Variants in PRDM16 observed in about 807,000 individuals in gnomAD.
PRDM16 encodes histone-lysine N-methyltransferase PRDM16.
In PRDM16, 23 loss-of-function variants were observed where a neutral mutation model predicts 110.6. The observed-to-expected ratio is 0.21, with a 90% CI of 0.15 to 0.29. The LOEUF is 0.29. Among genes scored for constraint, PRDM16 ranks in the 10% least tolerant of loss-of-function variants. The pLI, the probability that PRDM16 is intolerant of heterozygous loss-of-function variation, is 1.00. For synonymous variants in PRDM16, 799 were observed against 781.8 expected (o/e 1.02, Z -0.37); for missense variants, 1,615 against 1,794.3 (o/e 0.90, Z 1.81).
chr1:3,333,420 C>T (rs1642082522), intron 3 of PRDM16, among the ~76,000 whole-genome samples: 1 of 152,192 alleles, frequency 6.6e-6, no homozygotes, highest in Admixed American at 6.5e-5. Context: ...AATCTTGGGG[C>T]TGCATCTGAC....
At chr1:3,398,606 T>C (rs1385443242) in intron 5 of PRDM16, among the ~76,000 whole-genome samples, 1 of 152,250 alleles carries the variant, frequency 6.6e-6, no homozygotes, top group African/African-American at 2.4e-5. Context: ...AGACGCCACT[T>C]AATTGTGAAC....
At chr1:3,247,929 C>T (rs1639829525) in intron 3 of PRDM16, among the ~76,000 whole-genome samples, 1 of 152,234 alleles carries the variant, frequency 6.6e-6, no homozygotes, top group South Asian at 2.1e-4. Context: ...CCGGGGGCTC[C>T]TGGAGAGCAA....
chr1:3,407,284 TA>T (rs1418295184), intron 8 of PRDM16, among the ~76,000 whole-genome samples: 2 of 152,132 alleles, frequency 1.3e-5, no homozygotes, highest in African/African-American at 2.4e-5. Context: ...GCCGTCCTGC[TA>T]GGGGTGACTC....
intron 1 of PRDM16, among the ~76,000 whole-genome samples, chr1:3,089,308 C>A (rs1222644039): frequency 6.6e-6 from 1 of 152,354 alleles, no homozygotes; most frequent in East Asian, 1.9e-4. Context: ...GGCTGAGCCT[C>A]GTTTCTAAGA....
chr1:3,218,775 G>A (rs1006976550), intron 2 of PRDM16, among the ~76,000 whole-genome samples: 2 of 152,218 alleles, frequency 1.3e-5, no homozygotes, highest in African/African-American at 4.8e-5. Context: ...CTGGAGGCCA[G>A]GCCTCAGGAC....
In PRDM16 at chr1:3,213,773, A is replaced by C. The variant is rs1638956221; in HGVS notation, c.387+27299A>C. On this transcript the variant is annotated intron_variant, in intron 2 of 16. Transcript: ENST00000270722. The surrounding 1 kb of genome is among the most constrained non-coding windows in gnomAD (Gnocchi z 5.3). ...CGGGACACCACGTCCACCCCAGGTCACCTACAAACAAGGTCAGCCAGGGCC... is the reference window on the plus strand; with the variant it reads ...CGGGACACCACGTCCACCCCAGGTCCCCTACAAACAAGGTCAGCCAGGGCC... 6.6e-6 allele frequency among the ~76,000 whole-genome samples: 1 copy of C among 152,016 alleles called. No homozygotes were observed. Among genetic ancestry groups the C allele is most frequent in the African/African-American group, 2.4e-5 (1 of 41,390 alleles).
intron 3 of PRDM16, among the ~76,000 whole-genome samples, chr1:3,342,166 C>A (rs575881207): frequency 3.9e-4 from 59 of 152,310 alleles, no homozygotes; most frequent in Non-Finnish European, 7.9e-4. Flanking sequence ...CCAACACCCT[C>A]CCCACCGAAC....
At chr1:3,156,988 T>C (rs1643864362) in intron 1 of PRDM16, among the ~76,000 whole-genome samples, 1 of 152,118 alleles carries the variant, frequency 6.6e-6, no homozygotes, top group South Asian at 2.1e-4. Flanking sequence ...AGTTAGCGTG[T>C]GGTGCAAGCT....
rs533313558 is a variant in PRDM16, at chr1:3,193,565, C to T, written c.387+7091C>T. Among the ~76,000 whole-genome samples the T allele has an allele frequency of 4.2e-4, 64 of 152,304 alleles. 2 individuals are homozygous for T. The highest frequency in any genetic ancestry group is 2.3e-3 in the South Asian group (11 of 4,822). On this transcript the variant is annotated intron_variant, in intron 2 of 16. Coordinates refer to ENST00000270722, the MANE Select transcript of PRDM16 (RefSeq NM_022114.4). ...GGACCTCCGCACTCTCCATCCCATC[C>T]GGCTCTGGGGGACCCCAGGATGGCA...
intron 2 of PRDM16, among the ~76,000 whole-genome samples, chr1:3,234,519 G>T (rs1319179406): frequency 1.3e-5 from 2 of 152,166 alleles, no homozygotes; most frequent in African/African-American, 2.4e-5. Context: ...GAGACGCCTG[G>T]TCCAGCAAGA....
intron 2 of PRDM16, among the ~76,000 whole-genome samples, chr1:3,218,090 A>G (rs376911848): frequency 2.0e-5 from 3 of 152,130 alleles, no homozygotes; most frequent in African/African-American, 7.2e-5. Flanking sequence ...GCCACAAAAC[A>G]CTATTGTCGT....
intron 1 of PRDM16, among the ~76,000 whole-genome samples, chr1:3,181,232 GGTCTTACACACA>G (rs1461748832): frequency 1.0e-3 from 80 of 78,194 alleles, no homozygotes; most frequent in African/African-American, 2.1e-3. Flanking sequence ...TCTTACACAC[GGTCTTACACACA>G]GTCTTACACA....
intron 1 of PRDM16, among the ~76,000 whole-genome samples, chr1:3,097,456 C>T (rs1029602330): frequency 6.7e-4 from 102 of 152,236 alleles, no homozygotes; most frequent in Non-Finnish European, 1.3e-4. Flanking sequence ...GGCGTCTCCC[C>T]GCAGGTGAAT....
intron 3 of PRDM16, among the ~76,000 whole-genome samples, chr1:3,285,750 A>G (rs926897027): frequency 1.5e-4 from 23 of 152,248 alleles, no homozygotes; most frequent in African/African-American, 4.8e-4. Context: ...CCTTGCTCCC[A>G]GGCCATGGCA....
rs532684712 is a variant in PRDM16, at chr1:3,243,870, T to TG, written c.388-211dup. Among the ~76,000 whole-genome samples the TG allele has an allele frequency of 5.0e-3, 767 of 152,030 alleles. 4 individuals carry two copies. The highest frequency in any genetic ancestry group is 7.7e-3 in the Non-Finnish European group (525 of 67,936). ...AGTGTTTCCAGGGAGGTGAAGTCCC[T>TG]GGGGGGCGCTTGGAGTCCTCGGTGA... On this transcript the variant is annotated intron_variant, in intron 2 of 16. Coordinates refer to ENST00000270722, the MANE Select transcript of PRDM16 (RefSeq NM_022114.4). This position sits in a 1 kb window ranked among gnomAD's most constrained non-coding sequence, Gnocchi z 5.5.
chr1:3,385,761 G>A (rs149493272), intron 4 of PRDM16, among the ~76,000 whole-genome samples: 9 of 152,352 alleles, frequency 5.9e-5, no homozygotes, highest in African/African-American at 1.9e-4. Context: ...TAGAGCCTCC[G>A]GGGCCTCTGA....
chr1:3,414,512 G>A (rs781643200), intron 9 of PRDM16, 48 bp from the exon 10 acceptor site: 4 of 1,463,880 alleles, frequency 2.7e-6, no homozygotes, highest in Non-Finnish European at 3.8e-6. Context: ...GTGGCTCGGC[G>A]GGGCGGGCGG....
intron 1 of PRDM16, among the ~76,000 whole-genome samples, chr1:3,108,544 T>A (rs189344982): frequency 6.6e-6 from 1 of 152,354 alleles, no homozygotes; most frequent in African/African-American, 2.4e-5. Flanking sequence ...TGCCTGGCAA[T>A]GCTACAGTGC....
intron 3 of PRDM16, among the ~76,000 whole-genome samples, chr1:3,292,541 G>A (rs189732437): frequency 9.2e-5 from 14 of 152,336 alleles, no homozygotes; most frequent in Admixed American, 1.3e-4. Flanking sequence ...GAGCGGCACC[G>A]TGACCTTCAT....
Sources: allele counts gnomAD v4.1 joint callset (sites outside exome capture counted in the v4.1 genomes callset), GRCh38; gene constraint gnomAD v4.1.1; non-coding constraint Gnocchi (gnomAD v3.1); transcripts MANE v1.5; gene names NCBI Gene and HGNC (gene_info 2026-07-23, HGNC 2026-07-21).